STIM2: variants seen among roughly 807,000 people sequenced by gnomAD.
STIM2 encodes the protein stromal interaction molecule 2.
Under a neutral mutation model 85.8 loss-of-function variants are expected in STIM2, and 31 were observed. That is an observed-to-expected ratio of 0.36 (90% CI 0.27 to 0.49). STIM2 has a LOEUF of 0.49. STIM2 is among the 20% of genes least tolerant of loss of function. The probability of loss-of-function intolerance (pLI) is 0.98; values close to 1 mark genes in which losing one functional copy is unlikely to be tolerated. For synonymous variants in STIM2, 356 were observed against 331.1 expected (o/e 1.08, Z -0.82); for missense variants, 841 against 927.6 (o/e 0.91, Z 1.21).
intron 1 of STIM2, among the ~76,000 whole-genome samples, chr4:26,880,659 A>ATATATATGTAAATATATATATAAG (rs1722977372): frequency 6.8e-6 from 1 of 146,886 alleles, no homozygotes; most frequent in Non-Finnish European, 1.5e-5. Context: ...ATATATATAA[A>ATATATATGTAAATATATATATAAG]TATATATGTA....
chr4:26,937,294 G>C (rs1024303712), intron 2 of STIM2, among the ~76,000 whole-genome samples: 4 of 152,044 alleles, frequency 2.6e-5, no homozygotes, highest in South Asian at 2.1e-4. Context: ...AGACCGGAAG[G>C]GGGCAGAGCA....
chr4:26,929,388 G>T (rs1397097530), intron 2 of STIM2, among the ~76,000 whole-genome samples: 5 of 151,978 alleles, frequency 3.3e-5, no homozygotes, highest in Admixed American at 6.6e-5. Flanking sequence ...TCTTGTTAAG[G>T]TGTCTTTTTG....
intron 7 of STIM2, 86 bp downstream of exon 7, chr4:27,003,190 A>G (rs1468012202): frequency 2.3e-6 from 3 of 1,298,538 alleles, no homozygotes; most frequent in African/African-American, 3.2e-5. Context: ...TCAGTTTCCT[A>G]CATTTAGTTC....
chr4:26,973,696 G>T (rs1423312622), intron 3 of STIM2, among the ~76,000 whole-genome samples: 1 of 152,204 alleles, frequency 6.6e-6, no homozygotes, highest in Non-Finnish European at 1.5e-5. Flanking sequence ...ATGTGGTGCT[G>T]AGAAGAATGT....
chr4:26,914,981 A>T (rs926085282), intron 1 of STIM2, among the ~76,000 whole-genome samples: 1 of 152,150 alleles, frequency 6.6e-6, no homozygotes, highest in Non-Finnish European at 1.5e-5. Flanking sequence ...TAATTCTCTG[A>T]TGCTGGTGAC....
intron 1 of STIM2, among the ~76,000 whole-genome samples, chr4:26,870,739 A>T (rs973243872): frequency 6.6e-6 from 1 of 152,136 alleles, no homozygotes; most frequent in East Asian, 1.9e-4. Context: ...TATTCACCCT[A>T]GCTTGTAGTC....
intron 2 of STIM2, among the ~76,000 whole-genome samples, chr4:26,950,323 T>C (rs1364939465): frequency 6.6e-6 from 1 of 151,658 alleles, no homozygotes; most frequent in Non-Finnish European, 1.5e-5. Flanking sequence ...GTACAAAAAC[T>C]GCATACCTAT....
At chr4:26,945,525 C>T (rs1449466341) in intron 2 of STIM2, among the ~76,000 whole-genome samples, 1 of 152,162 alleles carries the variant, frequency 6.6e-6, no homozygotes, top group Non-Finnish European at 1.5e-5. Flanking sequence ...GGAATGGCCA[C>T]ACTGTCTTCC....
In STIM2 at chr4:27,023,316, C is replaced by A. The variant is rs576912092; in HGVS notation, c.*320C>A. ...ACATTTTGTTGAAAGCCACGATGGA[C>A]TTACAAGCTTTAATGGACTCGTAAG... On this transcript the variant is annotated 3_prime_UTR_variant, in exon 12 of 12. Coordinates refer to ENST00000467087, the MANE Select transcript of STIM2 (RefSeq NM_020860.4). 1 of 266,422 alleles carries A rather than the reference C, an allele frequency of 3.8e-6. No homozygotes were observed. The highest frequency in any genetic ancestry group is 4.9e-5 in the Admixed American group (1 of 20,548). The allele number at this position is 266,422 out of a possible 1,614,324, so 16.5% of individuals were successfully genotyped here. A position where few individuals can be genotyped will look rare whatever the true frequency, so the allele number is the denominator to read the frequency against.
intron 2 of STIM2, among the ~76,000 whole-genome samples, chr4:26,942,090 A>C (rs1202672656): frequency 1.3e-5 from 2 of 152,186 alleles, no homozygotes; most frequent in Non-Finnish European, 2.9e-5. Flanking sequence ...TCTAACAACT[A>C]ACTGTAGATG....
intron 1 of STIM2, among the ~76,000 whole-genome samples, chr4:26,909,608 T>G (rs936458709): frequency 1.3e-5 from 2 of 152,248 alleles, no homozygotes; most frequent in African/African-American, 4.8e-5. Flanking sequence ...AGTGTTGATA[T>G]AGTTAAGATA....
At chr4:26,873,701 C>A in intron 1 of STIM2, 1 of 820,324 alleles carries the variant, frequency 1.2e-6, no homozygotes. Flanking sequence ...TCATCCAGCT[C>A]TTGGGACAGC....
intron 1 of STIM2, among the ~76,000 whole-genome samples, chr4:26,884,923 A>C (rs1360339007): frequency 6.6e-6 from 1 of 152,226 alleles, no homozygotes; most frequent in Non-Finnish European, 1.5e-5. Flanking sequence ...TCACATCCTT[A>C]ACCAGTACTC....
At chr4:26,913,958 T>C (rs1724439149) in intron 1 of STIM2, among the ~76,000 whole-genome samples, 2 of 151,130 alleles carry the variant, frequency 1.3e-5, no homozygotes, top group South Asian at 4.2e-4. Flanking sequence ...GTAGAAAGAG[T>C]GAAGGAGAAG....
At chr4:26,921,749 T>C (rs1724806115) in intron 2 of STIM2, among the ~76,000 whole-genome samples, 1 of 152,230 alleles carries the variant, frequency 6.6e-6, no homozygotes, top group Admixed American at 6.5e-5. Flanking sequence ...TCTCTAAGTT[T>C]TTCCTTTCTA....
At chr4:26,933,751 A>C (rs1242371271) in intron 2 of STIM2, among the ~76,000 whole-genome samples, 1 of 151,392 alleles carries the variant, frequency 6.6e-6, no homozygotes, top group Non-Finnish European at 1.5e-5. Context: ...AAAAAAAAAA[A>C]AAAACAAGAA....
chr4:27,011,350 G>A (rs1177137961), intron 10 of STIM2, among the ~76,000 whole-genome samples: 1 of 152,104 alleles, frequency 6.6e-6, no homozygotes, highest in Non-Finnish European at 1.5e-5. Context: ...TAACTTATAT[G>A]TTTATTTATT....
chr4:26,937,248 T>TG (rs1234070742), intron 2 of STIM2, among the ~76,000 whole-genome samples: 3 of 152,220 alleles, frequency 2.0e-5, no homozygotes, highest in Non-Finnish European at 4.4e-5. Flanking sequence ...AATTTTTAGT[T>TG]TACTGCAACA....
intron 3 of STIM2, among the ~76,000 whole-genome samples, chr4:26,989,308 A>G (rs575217794): frequency 2.5e-4 from 38 of 152,258 alleles, no homozygotes; most frequent in African/African-American, 9.1e-4. Context: ...GGACTGTTCA[A>G]CACACAAATC....
Sources: gnomAD v4.1 joint callset for allele counts (sites outside exome capture counted in the v4.1 genomes callset) on GRCh38, gnomAD v4.1.1 for gene constraint, MANE v1.5 for transcripts, NCBI Gene and HGNC (gene_info 2026-07-23, HGNC 2026-07-21) for gene names.